Variants in CNST observed in about 807,000 individuals in gnomAD.
CNST encodes the protein consortin.
In CNST, 39 loss-of-function variants were observed where a neutral mutation model predicts 72.4. That is an observed-to-expected ratio of 0.54 (90% CI 0.42 to 0.70). The LOEUF is 0.70. Among genes scored for constraint, CNST ranks in the 30% least tolerant of loss-of-function variants. CNST has a pLI of 0.00. For synonymous variants in CNST, 332 were observed against 320.1 expected (o/e 1.04, Z -0.40); for missense variants, 871 against 868.5 (o/e 1.00, Z -0.04).
At position 246,648,888 on chromosome 1, in the gene CNST, A is replaced by G. The variant is rs111377512; in HGVS notation, c.1836+851A>G. On this transcript the variant is annotated intron_variant, in intron 9 of 10. Transcript: ENST00000366513. ...CATTATCATTGAAAAAATAAGGGGGAAAATGAAAAAGTAACAAAGCCAAAG... is the reference window on the plus strand; with the variant it reads ...CATTATCATTGAAAAAATAAGGGGGGAAATGAAAAAGTAACAAAGCCAAAG... Among the ~76,000 whole-genome samples the G allele has an allele frequency of 2.2e-3, 336 of 152,284 alleles. 1 individual carries two copies. Among genetic ancestry groups the G allele is most frequent in the African/African-American group, 7.6e-3 (315 of 41,558 alleles).
At chr1:246,605,769 G>GGC (rs1662720559) in intron 2 of CNST, 1 of 46,750 alleles carries the variant, frequency 2.1e-5, no homozygotes, top group African/African-American at 7.9e-5. Context: ...GGCCGGGGTA[G>GGC]GTGTCTTCCG....
intron 1 of CNST, among the ~76,000 whole-genome samples, chr1:246,580,374 C>A (rs142371161): frequency 2.3e-3 from 355 of 152,090 alleles, no homozygotes; most frequent in African/African-American, 7.8e-3. Flanking sequence ...TAAAAATAAT[C>A]CCTAATCATT....
intron 10 of CNST, among the ~76,000 whole-genome samples, chr1:246,664,694 G>A (rs994964383): frequency 1.3e-5 from 2 of 150,796 alleles, no homozygotes; most frequent in Admixed American, 1.3e-4. Flanking sequence ...CCAAAGTGCT[G>A]GGATTACAGG....
At chr1:246,606,291 T>TC (rs1473611570) in intron 2 of CNST, 1 of 146,744 alleles carries the variant, frequency 6.8e-6, no homozygotes, top group African/African-American at 2.5e-5. Context: ...GCGTTTTAAA[T>TC]CCCCCTAAAT....
chr1:246,569,022 C>T (rs2102996694), intron 1 of CNST, among the ~76,000 whole-genome samples: 1 of 152,332 alleles, frequency 6.6e-6, no homozygotes, highest in East Asian at 1.9e-4. Context: ...GCATGAGCCA[C>T]CACACCCAGC....
In CNST at chr1:246,647,434, G is replaced by A; in HGVS notation, c.1233G>A (p.Val411=). The change falls in exon 9 of 11, where the codon GTG becomes GTA. Residue 411 remains valine, a synonymous_variant. Coordinates refer to ENST00000366513, the MANE Select transcript of CNST (RefSeq NM_152609.3). Reference sequence around the variant, plus strand: ...CTCAAACAGAGGCCTGCCAGGATGTGGCCAGAATAGAGGGCATTGCTGAAG... The same window carrying A: ...CTCAAACAGAGGCCTGCCAGGATGTAGCCAGAATAGAGGGCATTGCTGAAG... The part of the protein sequence containing the change: ...QLAQTEACQD[V]ARIEGIAEDP... 2 of 1,614,112 alleles carry A rather than the reference G, an allele frequency of 1.2e-6. No individual in the cohort carries two copies. Among genetic ancestry groups the A allele is most frequent in the Middle Eastern group, 1.6e-4 (1 of 6,062 alleles).
At chr1:246,632,027 A>T (rs915986377) in intron 4 of CNST, 103 bp downstream of exon 4, 5 of 718,696 alleles carry the variant, frequency 7.0e-6, no homozygotes, top group African/African-American at 3.7e-5. Context: ...TGTACAGATC[A>T]TATGGTTTCA....
intron 3 of CNST, among the ~76,000 whole-genome samples, chr1:246,629,952 G>A (rs893923000): frequency 6.6e-6 from 1 of 152,128 alleles, no homozygotes; most frequent in Non-Finnish European, 1.5e-5. Context: ...AGCTGGTGTC[G>A]AACTCCTGAA....
At chr1:246,598,307 G>A (rs1415560665) in intron 2 of CNST, among the ~76,000 whole-genome samples, 1 of 152,130 alleles carries the variant, frequency 6.6e-6, no homozygotes, top group Non-Finnish European at 1.5e-5. Flanking sequence ...TCTGAGTGGC[G>A]TGACTGGGAG....
At chr1:246,639,545 C>T (rs1026885461) in intron 6 of CNST, among the ~76,000 whole-genome samples, 5 of 152,026 alleles carry the variant, frequency 3.3e-5, no homozygotes, top group African/African-American at 1.2e-4. Flanking sequence ...TTAGGGGAGA[C>T]CCGATACCCC....
At chr1:246,583,447 G>T (rs1380426377) in intron 1 of CNST, among the ~76,000 whole-genome samples, 2 of 152,138 alleles carry the variant, frequency 1.3e-5, no homozygotes, top group African/African-American at 2.4e-5. Flanking sequence ...GTTAGGGCAG[G>T]GTTTATAGAC....
intron 2 of CNST, among the ~76,000 whole-genome samples, chr1:246,602,297 C>G (rs182287340): frequency 6.6e-6 from 1 of 152,210 alleles, no homozygotes. Context: ...TGTATCATCT[C>G]GTGGTTTTTG....
chr1:246,595,378 A>T (rs1661811240), intron 2 of CNST, among the ~76,000 whole-genome samples: 1 of 152,088 alleles, frequency 6.6e-6, no homozygotes, highest in African/African-American at 2.4e-5. Flanking sequence ...TCTCCCTGTG[A>T]TCTCTCAAGT....
chr1:246,582,888 A>C (rs1393525436), intron 1 of CNST, among the ~76,000 whole-genome samples: 1 of 152,156 alleles, frequency 6.6e-6, no homozygotes, highest in Non-Finnish European at 1.5e-5. Flanking sequence ...TTTCCTCCAG[A>C]CCGTGGCTGA....
intron 3 of CNST, among the ~76,000 whole-genome samples, chr1:246,624,308 A>G (rs751146195): frequency 3.3e-5 from 5 of 152,206 alleles, no homozygotes; most frequent in Non-Finnish European, 7.3e-5. Context: ...CTCCTGGGAA[A>G]GAAGGTTAGA....
At chr1:246,584,017 G>C (rs914270147) in intron 1 of CNST, among the ~76,000 whole-genome samples, 1 of 88,996 alleles carries the variant, frequency 1.1e-5, no homozygotes, top group African/African-American at 4.7e-5. Flanking sequence ...ATAGCTCACT[G>C]CTGCCTTGAA....
At chr1:246,566,802 C>T in intron 1 of CNST, 139 bp downstream of exon 1, 1 of 397,820 alleles carries the variant, frequency 2.5e-6, no homozygotes, top group Non-Finnish European at 4.4e-6. Flanking sequence ...GAGGTGTAGC[C>T]CGGTCCCCTT....
intron 6 of CNST, among the ~76,000 whole-genome samples, chr1:246,635,735 A>G (rs200109184): frequency 0.019 from 2,035 of 106,110 alleles, 1 homozygote; most frequent in Middle Eastern, 0.048. Context: ...TAATTATTCT[A>G]TTTAGCATAT....
intron 9 of CNST, among the ~76,000 whole-genome samples, chr1:246,658,455 A>G (rs917544687): frequency 3.3e-5 from 5 of 151,660 alleles, no homozygotes; most frequent in Non-Finnish European, 5.9e-5. Flanking sequence ...AGAAAAGAAT[A>G]TATTGTTGGC....
Sources: allele counts gnomAD v4.1 joint callset (sites outside exome capture counted in the v4.1 genomes callset), GRCh38; gene constraint gnomAD v4.1.1; transcripts MANE v1.5; gene names NCBI Gene and HGNC (gene_info 2026-07-23, HGNC 2026-07-21).